The following PPP1R9A variants were observed in gnomAD, a reference collection of about 807,000 sequenced individuals.
PPP1R9A encodes neurabin-1.
A neutral mutation model predicts 141.9 loss-of-function variants in PPP1R9A; 59 were observed. The ratio of observed to expected loss-of-function variants is 0.42; its 90% CI spans 0.34 to 0.52. The LOEUF is 0.52. Ranked by LOEUF, PPP1R9A falls within the 20% of genes least tolerant of loss-of-function variation. The pLI is 0.10. For missense variants in PPP1R9A, 1,444 were observed against 1,611.9 expected (o/e 0.90, Z 1.78); for synonymous variants, 500 against 569.7 (o/e 0.88, Z 1.74).
chr7:95,206,687 A>G (rs1790869931), intron 7 of PPP1R9A, among the ~76,000 whole-genome samples: 1 of 152,228 alleles, frequency 6.6e-6, no homozygotes, highest in Non-Finnish European at 1.5e-5. Flanking sequence ...TAAAAGCACA[A>G]CATACTTAAT....
At chr7:95,222,161 G>C (rs1021479765) in intron 7 of PPP1R9A, among the ~76,000 whole-genome samples, 2 of 151,966 alleles carry the variant, frequency 1.3e-5, no homozygotes, top group Non-Finnish European at 2.9e-5. Flanking sequence ...TGAATTCAGT[G>C]ATAATGTTTA....
intron 8 of PPP1R9A, among the ~76,000 whole-genome samples, chr7:95,229,770 G>A (rs769583500): frequency 6.6e-6 from 1 of 152,084 alleles, no homozygotes; most frequent in Admixed American, 6.6e-5. Context: ...ACTTGACCAG[G>A]TGTTCCTAGG....
At chr7:95,145,786 T>A (rs983003440) in intron 4 of PPP1R9A, among the ~76,000 whole-genome samples, 1 of 152,176 alleles carries the variant, frequency 6.6e-6, no homozygotes, top group Non-Finnish European at 1.5e-5. Flanking sequence ...TTGCTGAGAA[T>A]GATGGTTTAC....
In PPP1R9A at chr7:95,132,391, T is replaced by G. The variant is rs75644610; in HGVS notation, c.1649+11559T>G. On this transcript the variant is annotated intron_variant, in intron 4 of 19. Coordinates refer to ENST00000433360, the MANE Select transcript of PPP1R9A (RefSeq NM_001166160.2). ...GCCTAGTTTCTTGAGGTTTTCATCATGAAGCAATATTAGATTTTATCTAAA... is the reference window on the plus strand; with the variant it reads ...GCCTAGTTTCTTGAGGTTTTCATCAGGAAGCAATATTAGATTTTATCTAAA... Among the ~76,000 whole-genome samples, 1,466 of 152,346 alleles carry G rather than the reference T, an allele frequency of 9.6e-3. 5 individuals carry two copies. The highest frequency in any genetic ancestry group is 0.014 in the Non-Finnish European group (945 of 68,032).
At chr7:95,224,998 A>G (rs547393373) in intron 7 of PPP1R9A, among the ~76,000 whole-genome samples, 37 of 152,072 alleles carry the variant, frequency 2.4e-4, no homozygotes, top group Non-Finnish European at 4.9e-4. Context: ...ATTTCAAACA[A>G]TTATTTTGAA....
rs141044221 is a variant in PPP1R9A at position 95,159,352 on chromosome 7, A to T, written c.1650-2515A>T. ...GATTGTATGTAAATTATGCCTATTCATGCATATATATAGATCCTGTTTCAA... is the reference window on the plus strand; with the variant it reads ...GATTGTATGTAAATTATGCCTATTCTTGCATATATATAGATCCTGTTTCAA... On this transcript the variant is annotated intron_variant, in intron 4 of 19. Coordinates refer to ENST00000433360, the MANE Select transcript of PPP1R9A (RefSeq NM_001166160.2). Among the ~76,000 whole-genome samples the T allele has an allele frequency of 2.3e-3, 343 of 152,308 alleles. 1 individual carries two copies. Among genetic ancestry groups the T allele is most frequent in the African/African-American group, 7.6e-3 (317 of 41,570 alleles).
chr7:95,273,753 T>G, intron 14 of PPP1R9A, 146 bp from the exon 15 acceptor site: 1 of 772,258 alleles, frequency 1.3e-6, no homozygotes, highest in Non-Finnish European at 2.0e-6. Context: ...TAACTGTGTC[T>G]CCTAGGTCGT....
intron 2 of PPP1R9A, among the ~76,000 whole-genome samples, chr7:94,983,765 G>A (rs908463529): frequency 6.6e-6 from 1 of 152,182 alleles, no homozygotes; most frequent in Non-Finnish European, 1.5e-5. Flanking sequence ...ATACAATCAT[G>A]TCATCTGCAA....
intron 7 of PPP1R9A, among the ~76,000 whole-genome samples, chr7:95,224,878 G>C (rs1293894015): frequency 1.3e-5 from 2 of 152,110 alleles, no homozygotes; most frequent in African/African-American, 4.8e-5. Context: ...TCCTGTCTCT[G>C]TTTTATGTGT....
intron 4 of PPP1R9A, among the ~76,000 whole-genome samples, chr7:95,123,555 G>T (rs919551496): frequency 6.6e-6 from 1 of 152,080 alleles, no homozygotes; most frequent in East Asian, 1.9e-4. Flanking sequence ...AGACTGAGGC[G>T]GGAGAATCGC....
At chr7:94,973,205 A>G (rs531312121) in intron 2 of PPP1R9A, among the ~76,000 whole-genome samples, 25 of 152,374 alleles carry the variant, frequency 1.6e-4, no homozygotes, top group African/African-American at 5.8e-4. Context: ...CTACCACATC[A>G]TAAAAATAAT....
At chr7:95,275,244 C>T (rs1455109687) in intron 16 of PPP1R9A, among the ~76,000 whole-genome samples, 2 of 151,744 alleles carry the variant, frequency 1.3e-5, no homozygotes, top group African/African-American at 4.8e-5. Context: ...CCCGTCTCTA[C>T]CAAAAATACA....
intron 2 of PPP1R9A, 25 bp from the exon 3 acceptor site, chr7:95,111,234 T>A (rs752420254): frequency 5.8e-6 from 9 of 1,555,194 alleles, no homozygotes; most frequent in Non-Finnish European, 7.8e-6. Context: ...TTCTGTATTA[T>A]CATCTTGTTG....
intron 2 of PPP1R9A, among the ~76,000 whole-genome samples, chr7:95,110,029 G>A (rs1385807189): frequency 1.3e-5 from 2 of 152,030 alleles, no homozygotes; most frequent in African/African-American, 4.8e-5. Context: ...GTGGCATGAG[G>A]CTATGAAAAC....
intron 7 of PPP1R9A, among the ~76,000 whole-genome samples, chr7:95,205,406 A>G (rs761509208): frequency 1.4e-4 from 21 of 152,262 alleles, no homozygotes; most frequent in Admixed American, 3.9e-4. Flanking sequence ...GAACAATTCA[A>G]TATTACAATG....
intron 2 of PPP1R9A, among the ~76,000 whole-genome samples, chr7:95,041,581 A>G (rs1282310681): frequency 6.6e-6 from 1 of 152,088 alleles, no homozygotes; most frequent in African/African-American, 2.4e-5. Flanking sequence ...GTCACTCTAA[A>G]ATATGAATGT....
chr7:94,974,382 G>A (rs1799200841), intron 2 of PPP1R9A, among the ~76,000 whole-genome samples: 1 of 152,194 alleles, frequency 6.6e-6, no homozygotes, highest in African/African-American at 2.4e-5. Context: ...GAAATGGTAA[G>A]TTTAGTTTTG....
chr7:94,930,665 G>T (rs1373364184), intron 2 of PPP1R9A, among the ~76,000 whole-genome samples: 5 of 152,120 alleles, frequency 3.3e-5, no homozygotes, highest in African/African-American at 1.2e-4. Context: ...TATAGAGATG[G>T]GTTGGTAGGT....
chr7:95,283,912 C>G, intron 16 of PPP1R9A, 106 bp from the exon 17 acceptor site: 1 of 971,442 alleles, frequency 1.0e-6, no homozygotes, highest in Non-Finnish European at 1.5e-6. Context: ...TTGAATAGAA[C>G]AGTTTCTCAA....
Sources: allele counts gnomAD v4.1 joint callset (sites outside exome capture counted in the v4.1 genomes callset), GRCh38; gene constraint gnomAD v4.1.1; transcripts MANE v1.5; gene names NCBI Gene and HGNC (gene_info 2026-07-23, HGNC 2026-07-21).